The following SAMD8 variants were observed in gnomAD, a reference collection of about 807,000 sequenced individuals.
The protein encoded by SAMD8 is sphingomyelin synthase-related protein 1.
SAMD8 carries 20 observed loss-of-function variants against 42.0 expected under a neutral mutation model. The observed-to-expected ratio is 0.48, with a 90% CI of 0.34 to 0.69. The LOEUF (loss-of-function observed/expected upper bound fraction) is 0.69, where lower values mean the gene tolerates loss of function less well. Ranked by LOEUF, SAMD8 falls within the 30% of genes least tolerant of loss-of-function variation. The pLI is 0.01. For missense variants in SAMD8, 328 were observed against 511.6 expected, an observed-to-expected ratio of 0.64 and a Z score of 3.46; for synonymous variants, 162 against 173.0, an observed-to-expected ratio of 0.94 and a Z score of 0.50.
At chr10:75,159,207 A>G (rs1840500338) in intron 2 of SAMD8, among the ~76,000 whole-genome samples, 1 of 151,782 alleles carries the variant, frequency 6.6e-6, no homozygotes, top group Non-Finnish European at 1.5e-5. Flanking sequence ...ACAGGTGCAC[A>G]CCACCACACC....
chr10:75,108,150 G>T, upstream of SAMD8: 1 of 1,613,056 alleles, frequency 6.2e-7, no homozygotes, highest in East Asian at 2.2e-5. Flanking sequence ...CTTGTGGGCG[G>T]CGTTCAGCAC....
chr10:75,134,752 T>C (rs998385558), intron 1 of SAMD8, among the ~76,000 whole-genome samples: 4 of 152,088 alleles, frequency 2.6e-5, no homozygotes, highest in Non-Finnish European at 4.4e-5. Context: ...TTGAATGTTA[T>C]CACCACAAAG....
chr10:75,175,914 C>CTG, intron 4 of SAMD8, 152 bp from the exon 5 acceptor site: 1 of 1,451,804 alleles, frequency 6.9e-7, no homozygotes, highest in Non-Finnish European at 9.0e-7. Context: ...TTCTTGAAGT[C>CTG]TGGCTGGAAT....
chr10:75,101,286 T>C (rs1848141071), intron 1 of SAMD8, among the ~76,000 whole-genome samples: 1 of 152,166 alleles, frequency 6.6e-6, no homozygotes, highest in South Asian at 2.1e-4. Context: ...TAATAATTAA[T>C]GTAAAGCACC....
chr10:75,174,767 T>C (rs1265298218), intron 4 of SAMD8, among the ~76,000 whole-genome samples: 1 of 152,050 alleles, frequency 6.6e-6, no homozygotes, highest in Non-Finnish European at 1.5e-5. Flanking sequence ...TGTCCCTCTT[T>C]TGTAAAGCAG....
At chr10:75,129,346 T>C (rs1849221598) in intron 1 of SAMD8, among the ~76,000 whole-genome samples, 1 of 152,166 alleles carries the variant, frequency 6.6e-6, no homozygotes, top group Non-Finnish European at 1.5e-5. Context: ...GTTCAAGTGA[T>C]TCTCCTGCCT....
At chr10:75,144,574 ACTTC>A (rs778091060) in intron 1 of SAMD8, among the ~76,000 whole-genome samples, 4 of 152,222 alleles carry the variant, frequency 2.6e-5, no homozygotes, top group Admixed American at 6.5e-5. Context: ...ATGCGTCAGA[ACTTC>A]CTTCCTTTTT....
intron 4 of SAMD8, 146 bp downstream of exon 4, chr10:75,168,804 TAA>T: frequency 1.7e-6 from 1 of 591,164 alleles, no homozygotes; most frequent in Non-Finnish European, 3.0e-6. Flanking sequence ...AATAATTTGG[TAA>T]AAGTCTTAAG....
In SAMD8 at chr10:75,151,100, TAGAC is replaced by T; in HGVS notation, c.575_578del (p.Asp192AlafsTer11). 6.7e-7 allele frequency: 1 copy of T among 1,485,138 alleles called. No individual in the cohort carries two copies. The highest frequency in any genetic ancestry group is 9.0e-7 in the Non-Finnish European group (1 of 1,116,936). 92.0% of individuals were successfully genotyped at this position (1,485,138 alleles called of 1,614,324 possible). ...TATCCACCACTCCCAGATATATTCT[TAGAC>T]AGGTAAGTTTTGTTTCTAGTTGCTA... is the stretch of plus-strand genomic sequence containing the variant. On this transcript the variant is annotated frameshift_variant and splice_region_variant, in exon 2 of 6. Coordinates refer to ENST00000542569, the MANE Select transcript of SAMD8 (RefSeq NM_001174156.2). LOFTEE classifies it high-confidence loss of function.
chr10:75,110,212 G>A (rs113467665), upstream of SAMD8, among the ~76,000 whole-genome samples: 812 of 152,326 alleles, frequency 5.3e-3, 7 homozygotes, highest in African/African-American at 0.019. Flanking sequence ...ATGGGGAGAC[G>A]GGAGGTGAGT....
intron 4 of SAMD8, among the ~76,000 whole-genome samples, chr10:75,169,043 C>G (rs902161489): frequency 6.6e-6 from 1 of 151,410 alleles, no homozygotes; most frequent in Admixed American, 6.6e-5. Flanking sequence ...TGGTGGTGGG[C>G]ACTTGTAATC....
intron 1 of SAMD8, among the ~76,000 whole-genome samples, chr10:75,131,534 T>C (rs1849273130): frequency 6.6e-6 from 1 of 152,148 alleles, no homozygotes; most frequent in African/African-American, 2.4e-5. Context: ...AGAATCTGTC[T>C]ATAATACCAA....
intron 1 of SAMD8, among the ~76,000 whole-genome samples, chr10:75,148,346 C>CTGTTTTTTTTT (rs1840193138): frequency 1.2e-5 from 1 of 82,564 alleles, no homozygotes; most frequent in African/African-American, 6.5e-5. Flanking sequence ...GCAATACCAG[C>CTGTTTTTTTTT]TTTTTTTTTT....
intron 1 of SAMD8, among the ~76,000 whole-genome samples, chr10:75,134,215 A>G (rs935138393): frequency 3.9e-5 from 6 of 152,148 alleles, no homozygotes; most frequent in Non-Finnish European, 7.3e-5. Flanking sequence ...GAACATCAGG[A>G]TAAATAGCTA....
intron 1 of SAMD8, among the ~76,000 whole-genome samples, chr10:75,112,476 C>A (rs896071568): frequency 2.6e-5 from 4 of 152,126 alleles, no homozygotes; most frequent in Non-Finnish European, 5.9e-5. Context: ...CACAGTGGAT[C>A]ATTTTAAGAA....
chr10:75,127,509 A>G (rs1849172523), intron 1 of SAMD8, among the ~76,000 whole-genome samples: 1 of 152,204 alleles, frequency 6.6e-6, no homozygotes, highest in African/African-American at 2.4e-5. Flanking sequence ...TTATTTGGGC[A>G]TATAAGTCAA....
At chr10:75,134,682 G>C (rs1203627270) in intron 1 of SAMD8, among the ~76,000 whole-genome samples, 1 of 152,088 alleles carries the variant, frequency 6.6e-6, no homozygotes, top group Non-Finnish European at 1.5e-5. Flanking sequence ...CTGGTTTTCT[G>C]TTGTACAGTA....
intron 1 of SAMD8, among the ~76,000 whole-genome samples, chr10:75,142,785 T>C (rs1483270278): frequency 4.6e-5 from 7 of 151,752 alleles, no homozygotes; most frequent in Admixed American, 1.3e-4. Context: ...CCCATCACTT[T>C]GGGAGGCCGA....
intron 1 of SAMD8, among the ~76,000 whole-genome samples, chr10:75,126,778 G>A (rs1381323720): frequency 6.6e-6 from 1 of 151,662 alleles, no homozygotes; most frequent in Non-Finnish European, 1.5e-5. Flanking sequence ...TGAGATTACA[G>A]GCCTGAGCCA....
Sources: gnomAD v4.1 joint callset for allele counts (sites outside exome capture counted in the v4.1 genomes callset) on GRCh38, gnomAD v4.1.1 for gene constraint, MANE v1.5 for transcripts, NCBI Gene and HGNC (gene_info 2026-07-23, HGNC 2026-07-21) for gene names.